The following PEX1 variants were observed in gnomAD, a reference collection of about 807,000 sequenced individuals.
The protein encoded by PEX1 is peroxisomal biogenesis factor 1.
Under a neutral mutation model 152.5 loss-of-function variants are expected in PEX1, and 97 were observed. That is an observed-to-expected ratio of 0.64 (90% CI 0.54 to 0.75). The LOEUF is 0.75. PEX1 is among the 30% of genes least tolerant of loss of function. PEX1 has a pLI of 0.00. For missense variants in PEX1, 1,357 were observed against 1,516.3 expected (o/e 0.89, Z 1.74); for synonymous variants, 485 against 531.6 (o/e 0.91, Z 1.21).
At chr7:92,500,588 G>A (rs566030412) in intron 15 of PEX1, among the ~76,000 whole-genome samples, 1 of 152,318 alleles carries the variant, frequency 6.6e-6, no homozygotes, top group South Asian at 2.1e-4. Flanking sequence ...CCATACCCAT[G>A]TTCTCTCACA....
rs759982482 is a variant in PEX1 at position 92,494,559 on chromosome 7, C to T, written c.2854G>A (p.Asp952Asn). The T allele has an allele frequency of 6.2e-7, 1 of 1,613,950 alleles. No homozygotes were observed. The highest frequency in any genetic ancestry group is 1.7e-5 in the Admixed American group (1 of 60,012). Residue 952 changes from aspartate (D) to asparagine (N), a missense_variant, in exon 18 of 24, where the codon GAT (aspartate) becomes AAT (asparagine). Transcript: ENST00000248633. ...ACTCGGTCTGTAACTCCTGTATTAT[C>T]ATGACCCCGCCGAGGAGCAATGGAT... ...FESIAPRRGH[D>N]NTGVTDRVVN...
At position 92,496,697 on chromosome 7, in the gene PEX1, T is replaced by C; in HGVS notation, c.2783+16A>G. On this transcript the variant is annotated intron_variant, in intron 17 of 23. Transcript: ENST00000248633. ...AACAGAGTCAGTTACTTTAAAAACA[T>C]TCATAGGCTACCAACCTAATAAAAA... 1.3e-6 allele frequency: 2 copies of C among 1,558,162 alleles called. No homozygotes were observed. Among genetic ancestry groups the C allele is most frequent in the Non-Finnish European group, 1.8e-6 (2 of 1,129,132 alleles).
At chr7:92,498,506 GAAAC>G (rs1344748529) in intron 16 of PEX1, among the ~76,000 whole-genome samples, 2 of 152,028 alleles carry the variant, frequency 1.3e-5, no homozygotes, top group African/African-American at 4.8e-5. Context: ...AATAAATACA[GAAAC>G]AAATAAATAA....
intron 15 of PEX1, among the ~76,000 whole-genome samples, 180 bp from the exon 16 acceptor site, chr7:92,500,018 CAAAG>C (rs1343856522): frequency 6.6e-6 from 1 of 152,154 alleles, no homozygotes; most frequent in Non-Finnish European, 1.5e-5. Context: ...TAAATGAACT[CAAAG>C]GAACTACGAC....
chr7:92,495,495 C>T (rs927958676), intron 17 of PEX1, among the ~76,000 whole-genome samples: 1 of 152,126 alleles, frequency 6.6e-6, no homozygotes, highest in Non-Finnish European at 1.5e-5. Context: ...TCAATTTTTA[C>T]TAAGTTACAG....
chr7:92,528,259 C>G (rs1304380384), intron 1 of PEX1, 48 bp downstream of exon 1: 1 of 1,544,798 alleles, frequency 6.5e-7, no homozygotes, highest in Non-Finnish European at 8.7e-7. Context: ...GCTTCGGCCT[C>G]GTCCGACCCC....
At chr7:92,498,874 C>A (rs1380067246) in intron 16 of PEX1, among the ~76,000 whole-genome samples, 1 of 152,220 alleles carries the variant, frequency 6.6e-6, no homozygotes, top group African/African-American at 2.4e-5. Context: ...TGTCTACTCC[C>A]TTTAAGAATG....
intron 2 of PEX1, among the ~76,000 whole-genome samples, chr7:92,521,135 A>G (rs1034065632): frequency 6.6e-6 from 1 of 150,454 alleles, no homozygotes; most frequent in Admixed American, 6.6e-5. Flanking sequence ...AATTTTTTTA[A>G]TTTTTTTATA....
At chr7:92,515,073 A>ATATATATC (rs1792668924) in intron 5 of PEX1, among the ~76,000 whole-genome samples, 1 of 914 alleles carries the variant, frequency 1.1e-3, no homozygotes, top group African/African-American at 0.013. Context: ...TTATCTATAT[A>ATATATATC]TATATATATA....
Position 92,494,609 on chromosome 7 carries a change from C to T in PEX1, c.2804G>A (p.Cys935Tyr). The T allele has an allele frequency of 6.2e-7, 1 of 1,613,978 alleles. No individual in the cohort carries two copies. The highest frequency in any genetic ancestry group is 8.5e-7 in the Non-Finnish European group (1 of 1,179,920). The change falls in exon 18 of 24, where the codon TGC becomes TAC. Residue 935 changes from cysteine (C) to tyrosine (Y), a missense_variant. By Grantham distance (194) the Cys-to-Tyr change is radical. Coordinates refer to ENST00000248633, the MANE Select transcript of PEX1 (RefSeq NM_000466.3). ...IFIRAQAAKP[C>Y]ILFFDEFESI... ...TTCAAATTCATCAAAGAAAAGAATG[C>T]AGGGCTTTGCAGCCTGTGCTCTGGG... is the stretch of plus-strand genomic sequence containing the variant.
intron 13 of PEX1, 85 bp from the exon 14 acceptor site, chr7:92,502,164 C>A: frequency 1.0e-6 from 1 of 999,826 alleles, no homozygotes; most frequent in South Asian, 1.5e-5. Context: ...ATCAGGTTGA[C>A]AAATCTATAG....
In PEX1 at chr7:92,507,129, G is replaced by A; in HGVS notation, c.1671-3C>T. The A allele has an allele frequency of 6.2e-7, 1 of 1,612,702 alleles. No individual in the cohort carries two copies. Among genetic ancestry groups the A allele is most frequent in the Admixed American group, 1.7e-5 (1 of 60,000 alleles). ...ATACGCCTAAGGAATTCACTCCTCT[G>A]TAAAAAATATACATAGTTACATGAT... is the stretch of plus-strand genomic sequence containing the variant. On this transcript the variant is annotated splice_polypyrimidine_tract_variant and splice_region_variant and intron_variant, in intron 9 of 23. Transcript: ENST00000248633.
intron 23 of PEX1, among the ~76,000 whole-genome samples, chr7:92,488,681 A>C (rs185380463): frequency 6.4e-4 from 98 of 152,288 alleles, no homozygotes; most frequent in African/African-American, 2.3e-3. Context: ...ATACATTAGA[A>C]TCACTTTCAA....
intron 2 of PEX1, among the ~76,000 whole-genome samples, chr7:92,519,856 G>A (rs78631537): frequency 0.012 from 1,881 of 152,112 alleles, 41 homozygotes; most frequent in African/African-American, 0.044. Flanking sequence ...CATTTCCAAG[G>A]ATTAAAGGAG....
intron 21 of PEX1, 179 bp from the exon 22 acceptor site, chr7:92,490,090 A>C (rs1426477699): frequency 1.6e-6 from 1 of 635,202 alleles, no homozygotes; most frequent in East Asian, 2.8e-5. Flanking sequence ...ATAAAGGTTC[A>C]CTGATACCTG....
chr7:92,504,835 T>G lies in PEX1; in HGVS notation c.1968A>C (p.Pro656=). The G allele has an allele frequency of 3.7e-6, 6 of 1,614,052 alleles. No homozygotes were observed. The highest frequency in any genetic ancestry group is 5.1e-6 in the Non-Finnish European group (6 of 1,179,896). The change falls in exon 12 of 24, where the codon CCA becomes CCC. Residue 656 remains proline (P), a synonymous_variant. Transcript: ENST00000248633. ...VAFSEAVWMQ[P]SVVLLDDLDL... Reference sequence around the variant, plus strand: ...CAAGGTCATCCAGCAGGACAACAGATGGCTGCATCCACACTGCCTCTGAGA... The same window carrying G: ...CAAGGTCATCCAGCAGGACAACAGAGGGCTGCATCCACACTGCCTCTGAGA...
At chr7:92,527,848 C>A (rs998726799) in intron 1 of PEX1, among the ~76,000 whole-genome samples, 1 of 152,268 alleles carries the variant, frequency 6.6e-6, no homozygotes, top group African/African-American at 2.4e-5. Flanking sequence ...ATTGTATTAA[C>A]CTTTCCCGCT....
intron 9 of PEX1, 65 bp from the exon 10 acceptor site, chr7:92,507,191 A>G (rs756458091): frequency 7.0e-5 from 105 of 1,500,330 alleles, no homozygotes; most frequent in Non-Finnish European, 9.4e-5. Context: ...GCTATAAAAA[A>G]ATGCTGAATT....
At position 92,522,218 on chromosome 7, in the gene PEX1, G is replaced by A; in HGVS notation, c.157C>T (p.His53Tyr). 6.2e-7 allele frequency: 1 copy of A among 1,614,052 alleles called. No individual in the cohort carries two copies. Among genetic ancestry groups the A allele is most frequent in the Non-Finnish European group, 8.5e-7 (1 of 1,179,962 alleles). ...ACCCAGCTCAAGAATGCAGGCTGGTGACTCCAGACCACTTCTATAGCTTGA... is the reference window on the plus strand; with the variant it reads ...ACCCAGCTCAAGAATGCAGGCTGGTAACTCCAGACCACTTCTATAGCTTGA... ...QNQAIEVVWS[H>Y]QPAFLSWVEG... The change falls in exon 2 of 24, where the codon CAC becomes TAC. Residue 53 changes from histidine (H) to tyrosine (Y), a missense_variant. By Grantham distance (83) the His-to-Tyr change is moderately conservative. Coordinates refer to ENST00000248633, the MANE Select transcript of PEX1 (RefSeq NM_000466.3).
Sources: gnomAD v4.1 joint callset for allele counts (sites outside exome capture counted in the v4.1 genomes callset) on GRCh38, gnomAD v4.1.1 for gene constraint, MANE v1.5 for transcripts, NCBI Gene and HGNC (gene_info 2026-07-23, HGNC 2026-07-21) for gene names.